The following WRN variants were observed in gnomAD, a reference collection of about 807,000 sequenced individuals.
The protein encoded by WRN is WRN RecQ like helicase.
A neutral mutation model predicts 180.7 loss-of-function variants in WRN; 149 were observed. The ratio of observed to expected loss-of-function variants is 0.82; its 90% CI spans 0.72 to 0.94. The LOEUF (loss-of-function observed/expected upper bound fraction) is 0.94, where lower values mean the gene tolerates loss of function less well. Ranked by LOEUF, WRN falls within the 40% of genes least tolerant of loss-of-function variation. The pLI is 0.00. For synonymous variants in WRN, 548 were observed against 568.9 expected (o/e 0.96, Z 0.52); for missense variants, 1,661 against 1,700.1 (o/e 0.98, Z 0.40).
chr8:31,049,571 A>AC (rs1554517097), intron 1 of WRN, among the ~76,000 whole-genome samples: 1 of 151,640 alleles, frequency 6.6e-6, no homozygotes, highest in Non-Finnish European at 1.5e-5. Flanking sequence ...GTGAGGTCCA[A>AC]TGGGTCAGAA....
intron 1 of WRN, among the ~76,000 whole-genome samples, chr8:31,052,027 TTA>T (rs1466184020): frequency 2.6e-5 from 4 of 152,240 alleles, no homozygotes; most frequent in Admixed American, 6.5e-5. Flanking sequence ...TAAGTATTGT[TTA>T]TGACTTCTTT....
At chr8:31,078,916 T>C (rs1813198458) in intron 8 of WRN, among the ~76,000 whole-genome samples, 1 of 152,196 alleles carries the variant, frequency 6.6e-6, no homozygotes, top group Admixed American at 6.5e-5. Flanking sequence ...GCCTGATAAA[T>C]GAGCCCTTAC....
At chr8:31,142,450 C>G (rs1456709850) in intron 26 of WRN, among the ~76,000 whole-genome samples, 176 bp from the exon 27 acceptor site, 1 of 151,780 alleles carries the variant, frequency 6.6e-6, no homozygotes, top group Non-Finnish European at 1.5e-5. Flanking sequence ...TGAGTTTTTT[C>G]TTTCAAACAT....
chr8:31,123,283 A>C (rs1801797184), intron 21 of WRN, among the ~76,000 whole-genome samples: 1 of 152,074 alleles, frequency 6.6e-6, no homozygotes, highest in Non-Finnish European at 1.5e-5. Context: ...GCACAAGAGT[A>C]CTGTGCCTAA....
intron 31 of WRN, among the ~76,000 whole-genome samples, chr8:31,150,998 C>A (rs543907131): frequency 6.8e-4 from 104 of 152,248 alleles, no homozygotes; most frequent in African/African-American, 2.4e-3. Flanking sequence ...TTAGGATTTT[C>A]TCTAAACTCC....
At chr8:31,040,599 C>T (rs191793324) in intron 1 of WRN, among the ~76,000 whole-genome samples, 16 of 152,244 alleles carry the variant, frequency 1.1e-4, no homozygotes, top group African/African-American at 3.1e-4. Flanking sequence ...CACTTACTGC[C>T]GGTACATTGA....
chr8:31,040,997 A>G (rs1811633003), intron 1 of WRN, among the ~76,000 whole-genome samples: 1 of 152,100 alleles, frequency 6.6e-6, no homozygotes, highest in South Asian at 2.1e-4. Context: ...ACACATGGAG[A>G]GGTTGGATGT....
intron 21 of WRN, 136 bp from the exon 22 acceptor site, chr8:31,124,386 T>C: frequency 1.5e-6 from 1 of 663,584 alleles, no homozygotes; most frequent in South Asian, 2.0e-5. Context: ...TCTGAGATGC[T>C]AGAAATGTTT....
At chr8:31,136,306 T>C (rs1361330203) in intron 24 of WRN, among the ~76,000 whole-genome samples, 1 of 152,192 alleles carries the variant, frequency 6.6e-6, no homozygotes, top group Non-Finnish European at 1.5e-5. Flanking sequence ...AATTTCTCTT[T>C]TGAGATGGCA....
chr8:31,128,380 C>T (rs1352229457), intron 23 of WRN, among the ~76,000 whole-genome samples: 1 of 152,044 alleles, frequency 6.6e-6, no homozygotes. Context: ...TACTTCATGA[C>T]CCACATAGCA....
intron 30 of WRN, 120 bp downstream of exon 30, chr8:31,147,596 T>C (rs1802913063): frequency 2.2e-6 from 2 of 898,530 alleles, no homozygotes; most frequent in East Asian, 2.7e-5. Flanking sequence ...GTGACTCAGA[T>C]TCCCCCTGCT....
At chr8:31,059,828 A>G (rs929603000) in intron 3 of WRN, among the ~76,000 whole-genome samples, 7 of 152,174 alleles carry the variant, frequency 4.6e-5, no homozygotes, top group African/African-American at 1.7e-4. Context: ...AGGCCGAGGC[A>G]GGTGGATCAC....
intron 3 of WRN, among the ~76,000 whole-genome samples, chr8:31,061,677 A>G (rs1812489517): frequency 1.3e-5 from 2 of 152,280 alleles, no homozygotes; most frequent in African/African-American, 2.4e-5. Context: ...TTGATCAGGG[A>G]AAGTCTACGT....
At chr8:31,079,049 C>A (rs544828827) in intron 8 of WRN, among the ~76,000 whole-genome samples, 11 of 152,232 alleles carry the variant, frequency 7.2e-5, no homozygotes, top group African/African-American at 2.4e-4. Context: ...ATAATTTTAA[C>A]ATTTGAGTGG....
Position 31,090,960 on chromosome 8 carries a change from T to C in WRN, c.1829+18T>C, listed in dbSNP as rs1394418994. 2 of 1,559,784 alleles carry C rather than the reference T, an allele frequency of 1.3e-6. No homozygotes were observed. Among genetic ancestry groups the C allele is most frequent in the African/African-American group, 2.7e-5 (2 of 73,668 alleles). ...CAGCTTAAGTAAGTCATGTTATCATTGCCACAATATCACCCTCTTTTTTTC... is the reference window on the plus strand; with the variant it reads ...CAGCTTAAGTAAGTCATGTTATCATCGCCACAATATCACCCTCTTTTTTTC... On this transcript the variant is annotated intron_variant, in intron 15 of 34. Coordinates refer to ENST00000298139, the MANE Select transcript of WRN (RefSeq NM_000553.6).
At chr8:31,109,712 A>C (rs1585468982) in intron 18 of WRN, among the ~76,000 whole-genome samples, 1 of 152,300 alleles carries the variant, frequency 6.6e-6, no homozygotes, top group East Asian at 1.9e-4. Flanking sequence ...TCACAACTTT[A>C]TGAGATTGGC....
chr8:31,105,618 G>A (rs565776644), intron 18 of WRN, among the ~76,000 whole-genome samples: 9 of 152,174 alleles, frequency 5.9e-5, no homozygotes, highest in South Asian at 2.1e-4. Flanking sequence ...GTGCCACCAT[G>A]CCTAGCTAAT....
At chr8:31,165,270 A>T (rs1803808869) in intron 33 of WRN, among the ~76,000 whole-genome samples, 1 of 152,060 alleles carries the variant, frequency 6.6e-6, no homozygotes, top group South Asian at 2.1e-4. Context: ...TGAAGAAATT[A>T]ATCATACATA....
chr8:31,062,773 T>A (rs1315799831), intron 3 of WRN, among the ~76,000 whole-genome samples: 1 of 152,168 alleles, frequency 6.6e-6, no homozygotes, highest in East Asian at 1.9e-4. Flanking sequence ...GCCCCGTGTT[T>A]GTTCTTTCTG....
Sources: gnomAD v4.1 joint callset for allele counts (sites outside exome capture counted in the v4.1 genomes callset) on GRCh38, gnomAD v4.1.1 for gene constraint, MANE v1.5 for transcripts, NCBI Gene and HGNC (gene_info 2026-07-23, HGNC 2026-07-21) for gene names.